Variants in EPHA4 observed in about 807,000 individuals in gnomAD.
EPHA4 encodes EPH receptor A4.
Under a neutral mutation model 108.3 loss-of-function variants are expected in EPHA4, and 19 were observed. That is an observed-to-expected ratio of 0.18 (90% CI 0.12 to 0.26). The LOEUF is 0.26. Ranked by LOEUF, EPHA4 falls within the 10% of genes least tolerant of loss-of-function variation. The probability of loss-of-function intolerance (pLI) is 1.00; values close to 1 mark genes in which losing one functional copy is unlikely to be tolerated. For synonymous variants in EPHA4, 449 were observed against 455.5 expected (o/e 0.99, Z 0.18); for missense variants, 917 against 1,254.0 (o/e 0.73, Z 4.06).
chr2:221,472,671 T>C (rs1433674810), intron 5 of EPHA4, among the ~76,000 whole-genome samples: 3 of 152,116 alleles, frequency 2.0e-5, no homozygotes, highest in Admixed American at 6.5e-5. Context: ...AAGATATGAA[T>C]CAAAAAGGGA....
rs146249472 is a variant in EPHA4, at chr2:221,558,004, C to T, written c.823+5727G>A. On this transcript the variant is annotated intron_variant, in intron 3 of 17. Coordinates refer to ENST00000281821, the MANE Select transcript of EPHA4 (RefSeq NM_004438.5). ...AAAGTATTACTAGGAAATACTGAGA[C>T]AACCTAGATAGCTACCAATAACGAA... Among the ~76,000 whole-genome samples, 44 of 152,290 alleles carry T rather than the reference C, an allele frequency of 2.9e-4. 1 individual carries two copies. The highest frequency in any genetic ancestry group is 9.4e-4 in the African/African-American group (39 of 41,570).
intron 15 of EPHA4, among the ~76,000 whole-genome samples, chr2:221,428,733 T>G (rs1444139409): frequency 2.0e-5 from 3 of 152,186 alleles, no homozygotes; most frequent in Non-Finnish European, 4.4e-5. Context: ...TTTTTTTAGT[T>G]CACATAGTGA....
intron 3 of EPHA4, among the ~76,000 whole-genome samples, chr2:221,509,270 G>T (rs749390210): frequency 2.6e-5 from 4 of 152,266 alleles, no homozygotes; most frequent in Non-Finnish European, 5.9e-5. Context: ...GGAGGTTGCA[G>T]TGAGCCGAGA....
chr2:221,571,254 A>G lies in EPHA4; in HGVS notation c.91+904T>C, dbSNP rs530828364. 2.9e-5 allele frequency among the ~76,000 whole-genome samples: 4 copies of G among 139,306 alleles called. No homozygotes were observed. In the East Asian group the frequency reaches 9.7e-4, roughly 34 times the overall value. The allele number at this position is 139,306 out of a possible 152,430, so 91.4% of individuals were successfully genotyped here. On this transcript the variant is annotated intron_variant, in intron 1 of 17. Transcript: ENST00000281821. The surrounding 1 kb of genome is among the most constrained non-coding windows in gnomAD (Gnocchi z 6.3). ...GCAGACATGCACACACACACCACAC[A>G]TACACACACACACACACACAGTTCG...
intron 7 of EPHA4, 29 bp from the exon 8 acceptor site, chr2:221,455,687 C>T (rs1009660021): frequency 2.6e-6 from 4 of 1,556,860 alleles, no homozygotes; most frequent in Non-Finnish European, 3.5e-6. Flanking sequence ...TAAGGGTCAC[C>T]TTTGGGAAAG....
At chr2:221,434,079 C>A in intron 14 of EPHA4, 63 bp downstream of exon 14, 1 of 1,544,690 alleles carries the variant, frequency 6.5e-7, no homozygotes, top group South Asian at 1.2e-5. Flanking sequence ...CTCCATCATA[C>A]AGTAATGCAG....
chr2:221,542,671 G>C (rs1244870751), intron 3 of EPHA4, among the ~76,000 whole-genome samples: 1 of 152,098 alleles, frequency 6.6e-6, no homozygotes, highest in Non-Finnish European at 1.5e-5. Context: ...GTTTTGCTTT[G>C]GGTTTCGAAA....
intron 11 of EPHA4, among the ~76,000 whole-genome samples, chr2:221,440,989 C>A (rs944908743): frequency 3.3e-5 from 5 of 152,178 alleles, no homozygotes; most frequent in Admixed American, 1.3e-4. Flanking sequence ...ACACCACCTG[C>A]TGAATCAAAC....
At chr2:221,500,049 T>C (rs1001790159) in intron 4 of EPHA4, among the ~76,000 whole-genome samples, 3 of 151,816 alleles carry the variant, frequency 2.0e-5, no homozygotes, top group Non-Finnish European at 4.4e-5. Context: ...GAGCCACCGC[T>C]CCCGGCCAAA....
intron 3 of EPHA4, among the ~76,000 whole-genome samples, chr2:221,555,638 C>A (rs1181853319): frequency 6.6e-6 from 1 of 152,176 alleles, no homozygotes; most frequent in Non-Finnish European, 1.5e-5. Flanking sequence ...CCCAAAACAG[C>A]TCAGAGGTAC....
chr2:221,546,856 T>C (rs1169220298), intron 3 of EPHA4, among the ~76,000 whole-genome samples: 3 of 152,248 alleles, frequency 2.0e-5, no homozygotes, highest in African/African-American at 7.2e-5. Context: ...ATAGCTAGTC[T>C]GCCTGTTAAA....
chr2:221,573,007 C>T (rs568280771), upstream of EPHA4: 2 of 152,724 alleles, frequency 1.3e-5, no homozygotes, highest in African/African-American at 4.8e-5. This position sits in a 1 kb window ranked among gnomAD's most constrained non-coding sequence, Gnocchi z 4.5. Flanking sequence ...GACTTTCTAG[C>T]AGTAAGGAAG....
At chr2:221,444,845 C>T (rs377556067) in intron 9 of EPHA4, among the ~76,000 whole-genome samples, 1 of 148,062 alleles carries the variant, frequency 6.8e-6, no homozygotes, top group Non-Finnish European at 1.5e-5. Flanking sequence ...GCAACCTCCG[C>T]CTCCTGGGTT....
At chr2:221,498,324 G>C (rs1273738016) in intron 4 of EPHA4, among the ~76,000 whole-genome samples, 1 of 152,208 alleles carries the variant, frequency 6.6e-6, no homozygotes, top group Non-Finnish European at 1.5e-5. Context: ...GATGCAAATT[G>C]AGGGCCATCC....
chr2:221,505,985 G>T (rs1041416443), intron 3 of EPHA4, among the ~76,000 whole-genome samples: 1 of 152,142 alleles, frequency 6.6e-6, no homozygotes, highest in Non-Finnish European at 1.5e-5. Context: ...TAACAAATTT[G>T]CACCTTAATA....
chr2:221,514,880 G>C (rs1012095790), intron 3 of EPHA4, among the ~76,000 whole-genome samples: 4 of 152,150 alleles, frequency 2.6e-5, no homozygotes, highest in Non-Finnish European at 5.9e-5. Context: ...CTGGAAGCCA[G>C]AACTGACCCA....
rs578244645 is a variant in EPHA4 at position 221,425,317 on chromosome 2, C to T, written c.*711G>A. The T allele has an allele frequency of 6.6e-6, 1 of 152,624 alleles. No individual in the cohort carries two copies. Among genetic ancestry groups the T allele is most frequent in the African/African-American group, 2.4e-5 (1 of 41,516 alleles). The allele number at this position is 152,624 out of a possible 1,614,324, so 9.5% of individuals were successfully genotyped here. A position where few individuals can be genotyped will look rare whatever the true frequency, so the allele number is the denominator to read the frequency against. ...ATAGTTAGGACAAGTTTGTAAAGTCCCAAAATAAGACTTTATATGGCACAG... is the reference window on the plus strand; with the variant it reads ...ATAGTTAGGACAAGTTTGTAAAGTCTCAAAATAAGACTTTATATGGCACAG... On this transcript the variant is annotated 3_prime_UTR_variant, in exon 17 of 18. Coordinates refer to ENST00000281821, the MANE Select transcript of EPHA4 (RefSeq NM_004438.5).
At chr2:221,449,178 T>C (rs1196719894) in intron 8 of EPHA4, among the ~76,000 whole-genome samples, 3 of 152,160 alleles carry the variant, frequency 2.0e-5, no homozygotes. Flanking sequence ...GTCTGTTTGC[T>C]TTTTAGAAAT....
rs530305284 is a variant in EPHA4, at chr2:221,568,937, A to G, written c.92-152T>C. The G allele has an allele frequency of 5.8e-4, 308 of 529,856 alleles. 6 individuals carry two copies. In the South Asian group the frequency reaches 8.8e-3, roughly 15 times the overall value. The allele number at this position is 529,856 out of a possible 1,614,324, so 32.8% of individuals were successfully genotyped here. On this transcript the variant is annotated intron_variant, in intron 1 of 17. Transcript: ENST00000281821. ...CTTGGGCTCACTTATGTAAATAATC[A>G]TTACTCATTTGATCTTCTCCCCCTC...
Sources: gnomAD v4.1 joint callset for allele counts (sites outside exome capture counted in the v4.1 genomes callset) on GRCh38, gnomAD v4.1.1 for gene constraint, Gnocchi (gnomAD v3.1) non-coding constraint, MANE v1.5 for transcripts, NCBI Gene and HGNC (gene_info 2026-07-23, HGNC 2026-07-21) for gene names.